ADK: variants seen among roughly 807,000 people sequenced by gnomAD.
ADK encodes adenosine kinase, also known as N6,N6-dimethyladenosine kinase.
Under a neutral mutation model 44.7 loss-of-function variants are expected in ADK, and 24 were observed. The observed-to-expected ratio is 0.54, with a 90% CI of 0.39 to 0.76. The LOEUF (loss-of-function observed/expected upper bound fraction) is 0.76. ADK is among the 30% of genes least tolerant of loss of function. The pLI, the probability that ADK is intolerant of heterozygous loss-of-function variation, is 0.00. For missense variants in ADK, 321 were observed against 425.1 expected (o/e 0.76, Z 2.15); for synonymous variants, 128 against 142.6 (o/e 0.90, Z 0.73).
intron 4 of ADK, among the ~76,000 whole-genome samples, chr10:74,319,386 T>C (rs961618203): frequency 2.6e-5 from 4 of 152,204 alleles, no homozygotes; most frequent in Admixed American, 2.6e-4. Context: ...ATGGCTACCC[T>C]CTTTCTGCCT....
intron 9 of ADK, among the ~76,000 whole-genome samples, chr10:74,629,302 T>C (rs1853329335): frequency 6.6e-6 from 1 of 152,148 alleles, no homozygotes; most frequent in South Asian, 2.1e-4. Flanking sequence ...GTCACTGGGA[T>C]TGCAGGGCAC....
chr10:74,694,820 C>A (rs1050454525), intron 10 of ADK, among the ~76,000 whole-genome samples: 3 of 152,082 alleles, frequency 2.0e-5, no homozygotes, highest in Non-Finnish European at 4.4e-5. Context: ...CTTTCACTTT[C>A]TGGTTTCTGC....
chr10:74,484,971 T>A (rs1304634739), intron 6 of ADK, among the ~76,000 whole-genome samples: 1 of 152,012 alleles, frequency 6.6e-6, no homozygotes, highest in Non-Finnish European at 1.5e-5. Flanking sequence ...ATCTGTATGA[T>A]CTCGGGGTGT....
chr10:74,314,490 C>T (rs575638744), intron 3 of ADK, among the ~76,000 whole-genome samples, 177 bp from the exon 4 acceptor site: 3 of 152,094 alleles, frequency 2.0e-5, no homozygotes, highest in Admixed American at 2.0e-4. Context: ...GAAAACATTT[C>T]TTAAATGTGG....
At chr10:74,507,984 A>G (rs1330710433) in intron 6 of ADK, among the ~76,000 whole-genome samples, 1 of 152,230 alleles carries the variant, frequency 6.6e-6, no homozygotes, top group Non-Finnish European at 1.5e-5. Context: ...CATTTCAGAT[A>G]GAAGGAAAAA....
At chr10:74,631,029 A>G (rs1853398076) in intron 9 of ADK, among the ~76,000 whole-genome samples, 1 of 151,952 alleles carries the variant, frequency 6.6e-6, no homozygotes, top group African/African-American at 2.4e-5. Flanking sequence ...AAGTGCCCTC[A>G]AGTTGGTTCT....
chr10:74,236,060 A>G (rs970963865), intron 3 of ADK, among the ~76,000 whole-genome samples: 1 of 152,214 alleles, frequency 6.6e-6, no homozygotes, highest in African/African-American at 2.4e-5. Flanking sequence ...ACCCAATCTC[A>G]GGTTTCTGTT....
intron 2 of ADK, among the ~76,000 whole-genome samples, chr10:74,201,469 C>T (rs1843378269): frequency 6.6e-6 from 1 of 152,138 alleles, no homozygotes; most frequent in African/African-American, 2.4e-5. Flanking sequence ...GAGAGAGAGA[C>T]ATGCACCACG....
intron 6 of ADK, chr10:74,516,616 T>G (rs1848593792): frequency 6.6e-6 from 1 of 151,926 alleles, no homozygotes; most frequent in African/African-American, 2.4e-5. Flanking sequence ...CTCCACCTCC[T>G]TGGTTCAAGC....
intron 3 of ADK, among the ~76,000 whole-genome samples, chr10:74,314,022 TATA>T (rs2131802525): frequency 1.2e-5 from 1 of 84,406 alleles, no homozygotes; most frequent in Admixed American, 1.2e-4. Flanking sequence ...CATCTTTTCA[TATA>T]ATTAGATAGG....
chr10:74,162,535 G>GTGTT (rs1442087156), intron 1 of ADK, among the ~76,000 whole-genome samples: 1 of 150,796 alleles, frequency 6.6e-6, no homozygotes, highest in African/African-American at 2.5e-5. Context: ...GTGTGTGTGT[G>GTGTT]TGTGTGTGTG....
chr10:74,658,867 G>A (rs566858190), intron 9 of ADK, among the ~76,000 whole-genome samples: 15 of 151,796 alleles, frequency 9.9e-5, no homozygotes, highest in East Asian at 3.9e-4. Context: ...CAGAAACCTC[G>A]TTAATTCATT....
intron 7 of ADK, among the ~76,000 whole-genome samples, chr10:74,574,514 T>C (rs944991374): frequency 6.6e-6 from 1 of 152,212 alleles, no homozygotes; most frequent in African/African-American, 2.4e-5. Context: ...GGCTTTGCTA[T>C]TCTGCTTTAT....
At chr10:74,200,366 C>G (rs554127468) in intron 1 of ADK, among the ~76,000 whole-genome samples, 2 of 151,792 alleles carry the variant, frequency 1.3e-5, no homozygotes, top group South Asian at 2.1e-4. Context: ...CACCTTTAAT[C>G]CCAGCTACTC....
chr10:74,538,542 T>C (rs1342931284), intron 7 of ADK, among the ~76,000 whole-genome samples: 1 of 152,212 alleles, frequency 6.6e-6, no homozygotes, highest in Non-Finnish European at 1.5e-5. Context: ...GCTTCACTCA[T>C]ATTTGGACAG....
intron 7 of ADK, among the ~76,000 whole-genome samples, chr10:74,567,681 G>GTTTTTTTTTTT (rs201299444): frequency 7.7e-6 from 1 of 129,610 alleles, no homozygotes; most frequent in African/African-American, 3.2e-5. Context: ...CTCTCTCTCT[G>GTTTTTTTTTTT]TTTTTTTTGT....
intron 6 of ADK, among the ~76,000 whole-genome samples, chr10:74,425,440 T>C (rs1844756391): frequency 6.6e-6 from 1 of 152,142 alleles, no homozygotes; most frequent in Non-Finnish European, 1.5e-5. Context: ...GTATCGTTAA[T>C]GTACCCTAGA....
intron 6 of ADK, among the ~76,000 whole-genome samples, chr10:74,523,600 C>T (rs955300014): frequency 2.4e-4 from 37 of 152,124 alleles, no homozygotes; most frequent in Non-Finnish European, 1.0e-4. Flanking sequence ...ATGACCTTTC[C>T]TCTAAGTCCA....
intron 3 of ADK, among the ~76,000 whole-genome samples, chr10:74,262,741 A>G (rs750143600): frequency 1.3e-5 from 2 of 152,180 alleles, no homozygotes; most frequent in Admixed American, 6.5e-5. Flanking sequence ...GGGATTTACA[A>G]TTCTAGGGAT....
Sources: allele counts gnomAD v4.1 joint callset (sites outside exome capture counted in the v4.1 genomes callset), GRCh38; gene constraint gnomAD v4.1.1; transcripts MANE v1.5; gene names NCBI Gene and HGNC (gene_info 2026-07-23, HGNC 2026-07-21).